Variants in SHISA9 observed in about 807,000 individuals in gnomAD.
SHISA9 encodes protein shisa-9.
Under a neutral mutation model 38.0 loss-of-function variants are expected in SHISA9, and 13 were observed. The ratio of observed to expected loss-of-function variants is 0.34; its 90% CI spans 0.22 to 0.54. The LOEUF (loss-of-function observed/expected upper bound fraction) is 0.54. Ranked by LOEUF, SHISA9 falls within the 20% of genes least tolerant of loss-of-function variation. The pLI, the probability that SHISA9 is intolerant of heterozygous loss-of-function variation, is 0.91. For missense variants in SHISA9, 538 were observed against 575.8 expected (o/e 0.93, Z 0.67); for synonymous variants, 275 against 242.0 (o/e 1.14, Z -1.27).
chr16:13,332,345 T>C, the SHISA9 span, among the ~76,000 whole-genome samples: 2 of 152,166 alleles, frequency 1.3e-5, no homozygotes, highest in Non-Finnish European at 2.9e-5. Context: ...CCCAGGCCCA[T>C]GAAAGACTGG....
At chr16:13,080,234 G>A (rs553301382) in intron 2 of SHISA9, among the ~76,000 whole-genome samples, 2 of 152,192 alleles carry the variant, frequency 1.3e-5, no homozygotes, top group African/African-American at 4.8e-5. Flanking sequence ...TTAGCTGGGC[G>A]TGGTGGTGGG....
chr16:13,166,918 A>G (rs2050641011), intron 2 of SHISA9, among the ~76,000 whole-genome samples: 1 of 152,140 alleles, frequency 6.6e-6, no homozygotes, highest in South Asian at 2.1e-4. Context: ...GCAAACCACC[A>G]TAACACACAT....
chr16:12,917,316 G>T (rs893772994), intron 2 of SHISA9, among the ~76,000 whole-genome samples: 24 of 152,154 alleles, frequency 1.6e-4, no homozygotes, highest in Admixed American at 1.1e-3. Context: ...TAACGCTAGA[G>T]TTTCATAAAA....
the SHISA9 span, among the ~76,000 whole-genome samples, chr16:13,471,836 C>G: frequency 6.6e-6 from 1 of 152,202 alleles, no homozygotes; most frequent in South Asian, 2.1e-4. Flanking sequence ...ATTCCTTACA[C>G]AGAATATCAG....
chr16:13,385,852 C>T, the SHISA9 span, among the ~76,000 whole-genome samples: 1 of 152,196 alleles, frequency 6.6e-6, no homozygotes, highest in Admixed American at 6.5e-5. Flanking sequence ...CACATAACAA[C>T]TTGGATGAAT....
At chr16:13,091,568 C>T (rs1452925599) in intron 2 of SHISA9, among the ~76,000 whole-genome samples, 3 of 152,134 alleles carry the variant, frequency 2.0e-5, no homozygotes, top group Admixed American at 1.3e-4. Context: ...ATCACTGATA[C>T]CCTTTCTTCC....
At chr16:13,503,957 AT>A in the SHISA9 span, among the ~76,000 whole-genome samples, 1 of 152,184 alleles carries the variant, frequency 6.6e-6, no homozygotes, top group African/African-American at 2.4e-5. Flanking sequence ...AATATAAATT[AT>A]CAAAAAGAAG....
chr16:13,391,481 C>T, the SHISA9 span, among the ~76,000 whole-genome samples: 1 of 152,152 alleles, frequency 6.6e-6, no homozygotes, highest in Admixed American at 6.5e-5. Context: ...AAGCAGCAAA[C>T]AAAAATCAGT....
chr16:12,956,253 A>T (rs539424288), intron 2 of SHISA9, among the ~76,000 whole-genome samples: 3 of 152,218 alleles, frequency 2.0e-5, no homozygotes, highest in Non-Finnish European at 4.4e-5. Context: ...GGATGTGGAG[A>T]AAAGGGAATG....
At chr16:13,542,831 GGCTCGA>G in the SHISA9 span, among the ~76,000 whole-genome samples, 3 of 152,098 alleles carry the variant, frequency 2.0e-5, no homozygotes, top group African/African-American at 7.2e-5. Flanking sequence ...GAGGTTTTGG[GGCTCGA>G]GCAGCATCAA....
chr16:13,190,621 G>A (rs1322456782), intron 2 of SHISA9, among the ~76,000 whole-genome samples: 1 of 152,124 alleles, frequency 6.6e-6, no homozygotes, highest in Non-Finnish European at 1.5e-5. Flanking sequence ...CACCGTTGCT[G>A]GTTGCAACTA....
At chr16:13,374,594 T>C in the SHISA9 span, among the ~76,000 whole-genome samples, 312 of 152,342 alleles carry the variant, frequency 2.0e-3, 1 homozygote, top group Admixed American at 6.3e-3. Flanking sequence ...GTTCCAAGTC[T>C]TTGCTATTGT....
chr16:13,011,520 A>G (rs1289563124), intron 2 of SHISA9, among the ~76,000 whole-genome samples: 2 of 151,724 alleles, frequency 1.3e-5, no homozygotes, highest in African/African-American at 2.4e-5. Flanking sequence ...CTATCTCTGT[A>G]TATTTGACTT....
At chr16:13,372,917 T>G in the SHISA9 span, among the ~76,000 whole-genome samples, 50 of 47,990 alleles carry the variant, frequency 1.0e-3, no homozygotes, top group South Asian at 0.052. Context: ...ATGACATAGA[T>G]ATACTGTTTA....
the SHISA9 span, among the ~76,000 whole-genome samples, chr16:13,514,666 G>A: frequency 1.3e-5 from 2 of 152,084 alleles, no homozygotes; most frequent in African/African-American, 4.8e-5. Flanking sequence ...AAGAATAAAA[G>A]CAAAAGAGCA....
At chr16:12,977,828 G>T (rs1001472682) in intron 2 of SHISA9, among the ~76,000 whole-genome samples, 2 of 152,006 alleles carry the variant, frequency 1.3e-5, no homozygotes, top group Admixed American at 6.6e-5. Flanking sequence ...GGGTGGGGAG[G>T]GGGGAGAGTG....
the SHISA9 span, chr16:13,246,233 T>C: frequency 6.6e-6 from 1 of 152,152 alleles, no homozygotes; most frequent in South Asian, 2.1e-4. Context: ...GTTTTCCCCA[T>C]ACTGTTTTCA....
intron 4 of SHISA9, among the ~76,000 whole-genome samples, chr16:13,216,916 G>T (rs1296006141): frequency 6.6e-6 from 1 of 151,998 alleles, no homozygotes; most frequent in East Asian, 1.9e-4. Context: ...ATCCACCCAC[G>T]CCCAGCCTTG....
chr16:13,174,787 G>C (rs1396781817), intron 2 of SHISA9, among the ~76,000 whole-genome samples: 1 of 152,120 alleles, frequency 6.6e-6, no homozygotes, highest in Non-Finnish European at 1.5e-5. Flanking sequence ...AGTGTGAGAG[G>C]TCCAAAGGAG....
Sources: allele counts gnomAD v4.1 joint callset (sites outside exome capture counted in the v4.1 genomes callset), GRCh38; gene constraint gnomAD v4.1.1; transcripts MANE v1.5; gene names NCBI Gene and HGNC (gene_info 2026-07-23, HGNC 2026-07-21).